The following STARD13 variants were observed in gnomAD, a reference collection of about 807,000 sequenced individuals.
The protein encoded by STARD13 is stAR-related lipid transfer protein 13.
In STARD13, 62 loss-of-function variants were observed where a neutral mutation model predicts 106.4. The ratio of observed to expected loss-of-function variants is 0.58; its 90% CI spans 0.48 to 0.72. The LOEUF is 0.72. Among genes scored for constraint, STARD13 ranks in the 30% least tolerant of loss-of-function variants. The pLI is 0.00. For synonymous variants in STARD13, 565 were observed against 553.0 expected, an observed-to-expected ratio of 1.02 and a Z score of -0.31; for missense variants, 1,387 against 1,424.0, an observed-to-expected ratio of 0.97 and a Z score of 0.42.
chr13:33,120,956 G>A (rs1450671630), intron 7 of STARD13, among the ~76,000 whole-genome samples: 1 of 152,144 alleles, frequency 6.6e-6, no homozygotes, highest in Non-Finnish European at 1.5e-5. Context: ...GGCCAGGCTG[G>A]TCTCGAACTC....
the STARD13 span, among the ~76,000 whole-genome samples, chr13:33,663,164 C>T: frequency 6.6e-6 from 1 of 152,116 alleles, no homozygotes; most frequent in African/African-American, 2.4e-5. Flanking sequence ...TGGCTCATTG[C>T]AGCCTCAACC....
the STARD13 span, among the ~76,000 whole-genome samples, chr13:33,649,651 C>T: frequency 6.6e-6 from 1 of 152,108 alleles, no homozygotes; most frequent in Non-Finnish European, 1.5e-5. Flanking sequence ...CCATCCATTA[C>T]CTTTCCTCAA....
chr13:33,528,491 C>T, the STARD13 span, among the ~76,000 whole-genome samples: 2 of 151,380 alleles, frequency 1.3e-5, no homozygotes, highest in Admixed American at 6.6e-5. Flanking sequence ...CCAGGCTGAT[C>T]TCAAACGCCT....
Position 33,118,049 on chromosome 13 carries a change from C to T in STARD13, c.2281+16G>A, listed in dbSNP as rs1448958266. On this transcript the variant is annotated intron_variant, in intron 8 of 13. Transcript: ENST00000336934. ...AGGATGCCCACGAGAACACCAATCT[C>T]ATTATTTCCACTTACACTGATAGAT... 3.7e-6 allele frequency: 6 copies of T among 1,613,446 alleles called. No individual in the cohort carries two copies. The highest frequency in any genetic ancestry group is 5.1e-6 in the Non-Finnish European group (6 of 1,179,554).
chr13:33,405,664 G>A, the STARD13 span, among the ~76,000 whole-genome samples: 4 of 152,210 alleles, frequency 2.6e-5, no homozygotes, highest in Non-Finnish European at 4.4e-5. Flanking sequence ...CCATTCCATG[G>A]TTCTGTGTGC....
chr13:33,489,566 TA>T, the STARD13 span, among the ~76,000 whole-genome samples: 1 of 152,350 alleles, frequency 6.6e-6, no homozygotes, highest in South Asian at 2.1e-4. Context: ...AAACAGGATA[TA>T]GACATCTGAA....
At chr13:33,461,989 C>A in the STARD13 span, among the ~76,000 whole-genome samples, 1 of 152,172 alleles carries the variant, frequency 6.6e-6, no homozygotes, top group African/African-American at 2.4e-5. Flanking sequence ...AAACATGCAA[C>A]CACAATGAAG....
chr13:33,621,074 A>T, the STARD13 span, among the ~76,000 whole-genome samples: 1 of 152,062 alleles, frequency 6.6e-6, no homozygotes, highest in East Asian at 1.9e-4. Flanking sequence ...TAAGAAGTAG[A>T]AAAAGAAGAG....
At chr13:33,326,005 A>AAC (rs1197305886) in intron 1 of STARD13, among the ~76,000 whole-genome samples, 2 of 151,202 alleles carry the variant, frequency 1.3e-5, no homozygotes, top group Non-Finnish European at 3.0e-5. Flanking sequence ...AAAAAAAAAA[A>AAC]AGAGCAGAAA....
the STARD13 span, among the ~76,000 whole-genome samples, chr13:33,429,822 A>T: frequency 6.6e-6 from 1 of 152,112 alleles, no homozygotes; most frequent in South Asian, 2.1e-4. Context: ...ATACAAAAAA[A>T]TAGGAAGAAT....
chr13:33,497,590 A>G, the STARD13 span, among the ~76,000 whole-genome samples: 1 of 152,170 alleles, frequency 6.6e-6, no homozygotes, highest in Non-Finnish European at 1.5e-5. Context: ...TCTCCTCTTC[A>G]ATATACAAAC....
the STARD13 span, among the ~76,000 whole-genome samples, chr13:33,405,275 A>G: frequency 6.6e-6 from 1 of 152,176 alleles, no homozygotes; most frequent in Non-Finnish European, 1.5e-5. Flanking sequence ...TGCTTTAGTG[A>G]GTTTATTTTC....
chr13:33,571,844 A>G, the STARD13 span, among the ~76,000 whole-genome samples: 1 of 152,140 alleles, frequency 6.6e-6, no homozygotes, highest in Admixed American at 6.6e-5. Context: ...ACCTGAAACC[A>G]TGTCTCTTCT....
the STARD13 span, among the ~76,000 whole-genome samples, chr13:33,590,876 G>GT: frequency 4.6e-5 from 7 of 151,966 alleles, no homozygotes; most frequent in African/African-American, 9.7e-5. Context: ...AATAATTTAA[G>GT]TTTTTTTTAA....
intron 1 of STARD13, among the ~76,000 whole-genome samples, chr13:33,328,054 T>C (rs1454084040): frequency 1.3e-5 from 2 of 152,262 alleles, no homozygotes; most frequent in Non-Finnish European, 2.9e-5. Context: ...TAATCATACC[T>C]AAAACATCAT....
chr13:33,241,881 G>A (rs1260983427), intron 1 of STARD13, among the ~76,000 whole-genome samples: 1 of 152,116 alleles, frequency 6.6e-6, no homozygotes, highest in East Asian at 1.9e-4. Flanking sequence ...GCCTGATCTA[G>A]GCTCACTACA....
chr13:33,441,850 A>T, the STARD13 span, among the ~76,000 whole-genome samples: 1 of 152,218 alleles, frequency 6.6e-6, no homozygotes, highest in Non-Finnish European at 1.5e-5. Flanking sequence ...GTAAGTGACA[A>T]TAAGATCCAC....
chr13:33,164,534 T>C (rs1045157368), intron 3 of STARD13: 3 of 152,204 alleles, frequency 2.0e-5, no homozygotes, highest in African/African-American at 7.2e-5. Flanking sequence ...CTAATCCTTA[T>C]CTTCAGCTCT....
At chr13:33,187,929 C>A (rs554986829) in intron 1 of STARD13, among the ~76,000 whole-genome samples, 10 of 152,306 alleles carry the variant, frequency 6.6e-5, no homozygotes, top group African/African-American at 2.2e-4. Context: ...AGTGATCTGC[C>A]CACCTCGGCC....
Sources: gnomAD v4.1 joint callset for allele counts (sites outside exome capture counted in the v4.1 genomes callset) on GRCh38, gnomAD v4.1.1 for gene constraint, MANE v1.5 for transcripts, NCBI Gene and HGNC (gene_info 2026-07-23, HGNC 2026-07-21) for gene names.